Variants in RMDN2 observed in about 807,000 individuals in gnomAD.
RMDN2 encodes the protein regulator of microtubule dynamics protein 2.
In RMDN2, 61 loss-of-function variants were observed where a neutral mutation model predicts 52.8. The observed-to-expected ratio is 1.16, with a 90% CI of 0.94 to 1.43. The LOEUF (loss-of-function observed/expected upper bound fraction) is 1.43, where lower values mean the gene tolerates loss of function less well. Among genes scored for constraint, RMDN2 ranks in the 40% most tolerant of loss-of-function variants. The pLI is 0.00. For missense variants in RMDN2, 592 were observed against 475.3 expected (o/e 1.25, Z -2.28); for synonymous variants, 180 against 153.1 (o/e 1.18, Z -1.30).
chr2:38,064,362 T>C (rs1366871330), intron 10 of RMDN2, among the ~76,000 whole-genome samples: 1 of 151,954 alleles, frequency 6.6e-6, no homozygotes, highest in East Asian at 1.9e-4. Context: ...TGGTGGTGTA[T>C]GCCTGTAGTC....
At chr2:37,932,715 G>C (rs1162504348) in intron 2 of RMDN2, among the ~76,000 whole-genome samples, 11 of 145,594 alleles carry the variant, frequency 7.6e-5, no homozygotes, top group African/African-American at 2.8e-4. Flanking sequence ...CCTCCCGGAC[G>C]GGGCGGCTGG....
At chr2:38,021,570 G>C (rs1679382889), downstream of RMDN2, among the ~76,000 whole-genome samples, 1 of 152,148 alleles carries the variant, frequency 6.6e-6, no homozygotes, top group African/African-American at 2.4e-5. Flanking sequence ...AACATCAGAA[G>C]GAACAAACTC....
chr2:37,954,515 G>GTGGT (rs1669214353), intron 2 of RMDN2, among the ~76,000 whole-genome samples: 1 of 151,986 alleles, frequency 6.6e-6, no homozygotes, highest in African/African-American at 2.4e-5. Flanking sequence ...TCATATATGT[G>GTGGT]TGGTTGACTT....
chr2:37,999,671 C>T lies in RMDN2; in HGVS notation c.1044+2157C>T, dbSNP rs544626356. ...AGATGAAAGGGAAACAGCACAGACC[C>T]TGGCTCCCACACCCAGGAGAGTCTG... On this transcript the variant is annotated intron_variant, in intron 8 of 10. Transcript: ENST00000354545. 7.6e-4 allele frequency among the ~76,000 whole-genome samples: 116 copies of T among 152,232 alleles called. 2 individuals are homozygous for T. The highest frequency in any genetic ancestry group is 2.8e-4 in the Non-Finnish European group (19 of 68,006).
chr2:37,935,124 A>G (rs748749697), intron 2 of RMDN2, among the ~76,000 whole-genome samples: 1 of 152,200 alleles, frequency 6.6e-6, no homozygotes, highest in Non-Finnish European at 1.5e-5. Context: ...TATAGTATCA[A>G]CAAAAACAGT....
intron 10 of RMDN2, among the ~76,000 whole-genome samples, chr2:38,015,243 A>G (rs1678588447): frequency 6.6e-6 from 1 of 152,216 alleles, no homozygotes; most frequent in Non-Finnish European, 1.5e-5. Flanking sequence ...ACAGGTGGTG[A>G]CTGAGTTCTT....
chr2:38,057,462 C>A (rs1681891761), intron 10 of RMDN2, among the ~76,000 whole-genome samples: 1 of 152,204 alleles, frequency 6.6e-6, no homozygotes, highest in Admixed American at 6.5e-5. Context: ...AGCTCACAAG[C>A]TATGGAAAAT....
chr2:37,965,976 G>A (rs1670985925), intron 2 of RMDN2, among the ~76,000 whole-genome samples: 1 of 152,180 alleles, frequency 6.6e-6, no homozygotes, highest in African/African-American at 2.4e-5. Context: ...TGAGAAATCT[G>A]CTGATGATTT....
At chr2:38,036,729 C>T (rs1680608261) in intron 10 of RMDN2, 1 of 152,170 alleles carries the variant, frequency 6.6e-6, no homozygotes, top group African/African-American at 2.4e-5. Context: ...ACACATGTAA[C>T]TCTTTACCAG....
At chr2:37,935,478 C>T (rs915081096) in intron 2 of RMDN2, among the ~76,000 whole-genome samples, 2 of 152,162 alleles carry the variant, frequency 1.3e-5, no homozygotes, top group African/African-American at 4.8e-5. Flanking sequence ...ATTTATATGC[C>T]TTGCTGTTAT....
At chr2:38,038,826 G>A (rs1444043154) in intron 10 of RMDN2, among the ~76,000 whole-genome samples, 1 of 152,014 alleles carries the variant, frequency 6.6e-6, no homozygotes, top group Non-Finnish European at 1.5e-5. Context: ...TGATCCTGGG[G>A]AGGATCACTG....
intron 2 of RMDN2, among the ~76,000 whole-genome samples, chr2:37,973,242 G>T (rs1156926827): frequency 2.0e-5 from 3 of 152,090 alleles, no homozygotes; most frequent in Non-Finnish European, 2.9e-5. Flanking sequence ...TAAGTTGTTT[G>T]TATTGTTTGC....
At chr2:38,065,815 C>T (rs1053980414) in intron 10 of RMDN2, among the ~76,000 whole-genome samples, 1 of 152,198 alleles carries the variant, frequency 6.6e-6, no homozygotes, top group East Asian at 1.9e-4. Flanking sequence ...AGCATGACTG[C>T]TTGTTTGTTT....
intron 10 of RMDN2, among the ~76,000 whole-genome samples, chr2:38,045,280 T>C (rs1439678846): frequency 6.6e-6 from 1 of 152,204 alleles, no homozygotes; most frequent in Non-Finnish European, 1.5e-5. Context: ...TAGTAAGGGC[T>C]TTTCAACAGT....
intron 2 of RMDN2, among the ~76,000 whole-genome samples, chr2:37,942,270 C>T (rs1441296970): frequency 6.6e-6 from 1 of 152,168 alleles, no homozygotes; most frequent in African/African-American, 2.4e-5. Flanking sequence ...CACCAGGTAC[C>T]TCAGTTGGAA....
At chr2:38,035,875 G>C (rs114565931) in intron 10 of RMDN2, 13 of 152,196 alleles carry the variant, frequency 8.5e-5, no homozygotes, top group Admixed American at 8.5e-4. Context: ...ATTCACAACC[G>C]TATCTGGACA....
intron 7 of RMDN2, among the ~76,000 whole-genome samples, chr2:37,993,059 C>T (rs1449821199): frequency 2.6e-5 from 4 of 152,114 alleles, no homozygotes; most frequent in South Asian, 4.1e-4. Context: ...GGATTACACG[C>T]GTGTGCCACC....
intron 10 of RMDN2, among the ~76,000 whole-genome samples, chr2:38,024,729 A>G (rs12712574): frequency 0.32 from 48,868 of 151,968 alleles, 8,726 homozygotes; most frequent in East Asian, 0.69. Flanking sequence ...CAAACTTGCA[A>G]TCTATCTAAT....
chr2:37,933,709 C>T (rs776646303), intron 2 of RMDN2, among the ~76,000 whole-genome samples: 2 of 152,122 alleles, frequency 1.3e-5, no homozygotes, highest in Non-Finnish European at 2.9e-5. Context: ...TGCAGTGAGC[C>T]GAGATGGCAG....
Sources: allele counts gnomAD v4.1 joint callset (sites outside exome capture counted in the v4.1 genomes callset), GRCh38; gene constraint gnomAD v4.1.1; transcripts MANE v1.5; gene names NCBI Gene and HGNC (gene_info 2026-07-23, HGNC 2026-07-21).